The following NKAIN3 variants were observed in gnomAD, a reference collection of about 807,000 sequenced individuals.
The protein encoded by NKAIN3 is sodium/potassium-transporting ATPase subunit beta-1-interacting protein 3.
A neutral mutation model predicts 30.2 loss-of-function variants in NKAIN3; 25 were observed. That is an observed-to-expected ratio of 0.83 (90% CI 0.60 to 1.16). NKAIN3 has a LOEUF of 1.16. Among genes scored for constraint, NKAIN3 ranks in the 50% most tolerant of loss-of-function variants. The pLI, the probability that NKAIN3 is intolerant of heterozygous loss-of-function variation, is 0.00. For missense variants in NKAIN3, 225 were observed against 254.1 expected (o/e 0.89, Z 0.78); for synonymous variants, 91 against 89.6 (o/e 1.02, Z -0.09).
At chr8:62,871,325 C>T (rs1820635824) in intron 4 of NKAIN3, among the ~76,000 whole-genome samples, 1 of 151,112 alleles carries the variant, frequency 6.6e-6, no homozygotes, top group South Asian at 2.1e-4. Context: ...ATTGCTCGAA[C>T]TCAGAAGGCA....
chr8:62,473,808 C>T (rs1806430485), intron 1 of NKAIN3, among the ~76,000 whole-genome samples: 1 of 152,140 alleles, frequency 6.6e-6, no homozygotes, highest in Non-Finnish European at 1.5e-5. Context: ...TACTAATGGT[C>T]ACTCTTTCCC....
In NKAIN3 at chr8:62,701,667, C is replaced by G. The variant is rs570199256; in HGVS notation, c.274-45265C>G. Among the ~76,000 whole-genome samples the G allele has an allele frequency of 3.5e-4, 54 of 152,314 alleles. No individual in the cohort carries two copies. In the South Asian group the frequency reaches 5.8e-3, roughly 16 times the overall value. ...GATGTGACGTATACAATTACCTCAGCTATTCAAATTAGCTCTTTTCAGAAG... is the reference window on the plus strand; with the variant it reads ...GATGTGACGTATACAATTACCTCAGGTATTCAAATTAGCTCTTTTCAGAAG... On this transcript the variant is annotated intron_variant, in intron 3 of 6. Transcript: ENST00000623646.
intron 3 of NKAIN3, among the ~76,000 whole-genome samples, chr8:62,675,103 G>A (rs919032894): frequency 2.0e-5 from 3 of 152,168 alleles, no homozygotes; most frequent in Non-Finnish European, 4.4e-5. Flanking sequence ...TGGAGTTTCA[G>A]TATGACCCTC....
intron 1 of NKAIN3, among the ~76,000 whole-genome samples, chr8:62,487,011 G>C (rs1231903098): frequency 1.3e-5 from 2 of 152,158 alleles, no homozygotes; most frequent in African/African-American, 4.8e-5. Context: ...TGACAGCTTT[G>C]ACACCATTAC....
At chr8:62,288,318 T>G (rs1163805217) in intron 1 of NKAIN3, among the ~76,000 whole-genome samples, 1 of 152,194 alleles carries the variant, frequency 6.6e-6, no homozygotes, top group Non-Finnish European at 1.5e-5. Context: ...TGTATACATG[T>G]GCCATGTTGG....
chr8:62,611,353 A>G (rs1393110409), intron 3 of NKAIN3, among the ~76,000 whole-genome samples: 1 of 152,136 alleles, frequency 6.6e-6, no homozygotes, highest in Non-Finnish European at 1.5e-5. Context: ...TAAATTATTG[A>G]CTAGAGTCAC....
chr8:62,841,477 C>T (rs1236937302), intron 4 of NKAIN3, among the ~76,000 whole-genome samples: 1 of 152,054 alleles, frequency 6.6e-6, no homozygotes, highest in Admixed American at 6.6e-5. Flanking sequence ...TCCTCCCCAC[C>T]CAAGCCCCCC....
intron 1 of NKAIN3, among the ~76,000 whole-genome samples, chr8:62,344,085 A>G (rs146149199): frequency 6.1e-4 from 93 of 152,170 alleles, no homozygotes; most frequent in African/African-American, 2.0e-3. Flanking sequence ...TGAGATTCAG[A>G]AATCCCTTTG....
chr8:62,782,442 A>G (rs1446293098), intron 4 of NKAIN3, among the ~76,000 whole-genome samples: 1 of 152,086 alleles, frequency 6.6e-6, no homozygotes, highest in Non-Finnish European at 1.5e-5. Flanking sequence ...AGGAAAAGAA[A>G]TCAGTACATC....
At chr8:62,780,580 A>C (rs1226308315) in intron 4 of NKAIN3, among the ~76,000 whole-genome samples, 2 of 152,092 alleles carry the variant, frequency 1.3e-5, no homozygotes, top group Non-Finnish European at 2.9e-5. Context: ...TCAAAAAAAT[A>C]ATATACCATG....
downstream of NKAIN3, among the ~76,000 whole-genome samples, chr8:62,986,351 A>G (rs1470859648): frequency 6.6e-6 from 1 of 152,184 alleles, no homozygotes; most frequent in Non-Finnish European, 1.5e-5. Flanking sequence ...AACAGTGATA[A>G]GTGAAAATGT....
At chr8:62,852,152 G>A (rs370301668) in intron 4 of NKAIN3, among the ~76,000 whole-genome samples, 46 of 152,076 alleles carry the variant, frequency 3.0e-4, no homozygotes, top group African/African-American at 9.9e-4. Flanking sequence ...TGGTCTATTC[G>A]GAGATTCATC....
chr8:62,316,424 C>G (rs915298909), intron 1 of NKAIN3, among the ~76,000 whole-genome samples: 1 of 151,688 alleles, frequency 6.6e-6, no homozygotes, highest in African/African-American at 2.4e-5. Context: ...ATGCTATCCC[C>G]CCCCTCCTCC....
intron 5 of NKAIN3, among the ~76,000 whole-genome samples, chr8:62,918,967 T>G (rs753399907): frequency 6.6e-6 from 1 of 151,376 alleles, no homozygotes; most frequent in African/African-American, 2.4e-5. Context: ...AAACTAAAAT[T>G]TACAACCTTC....
chr8:62,762,406 A>C (rs944226614), intron 4 of NKAIN3, among the ~76,000 whole-genome samples: 2 of 152,218 alleles, frequency 1.3e-5, no homozygotes, highest in African/African-American at 2.4e-5. Context: ...TTCCAAGGGA[A>C]ACAAAAATTC....
At chr8:62,546,255 A>G (rs537927567) in intron 1 of NKAIN3, among the ~76,000 whole-genome samples, 2 of 152,328 alleles carry the variant, frequency 1.3e-5, no homozygotes, top group Admixed American at 1.3e-4. Flanking sequence ...TACACCATCC[A>G]TACTACAATC....
intron 3 of NKAIN3, among the ~76,000 whole-genome samples, chr8:62,701,825 G>C (rs1367307626): frequency 3.3e-5 from 5 of 152,132 alleles, no homozygotes; most frequent in African/African-American, 9.7e-5. Context: ...TTTGAAGCCT[G>C]TCTTGCATGG....
At chr8:62,685,862 G>T (rs1813785388) in intron 3 of NKAIN3, among the ~76,000 whole-genome samples, 1 of 152,130 alleles carries the variant, frequency 6.6e-6, no homozygotes, top group Non-Finnish European at 1.5e-5. Context: ...AGTATTTCTT[G>T]TCTATATGTC....
rs566316079 is a variant in NKAIN3 at position 62,290,965 on chromosome 8, C to T, written c.54+41838C>T. 6.4e-4 allele frequency among the ~76,000 whole-genome samples: 97 copies of T among 151,982 alleles called. 1 individual carries two copies. The highest frequency in any genetic ancestry group is 1.1e-3 in the Non-Finnish European group (76 of 67,926). On this transcript the variant is annotated intron_variant, in intron 1 of 6. Transcript: ENST00000623646. ...TTCCACTTCTTCCTGGTTTAGTCTT[C>T]GGAGGGTGTATGTGCCCAGGAATTT...
Sources: allele counts gnomAD v4.1 joint callset (sites outside exome capture counted in the v4.1 genomes callset), GRCh38; gene constraint gnomAD v4.1.1; transcripts MANE v1.5; gene names NCBI Gene and HGNC (gene_info 2026-07-23, HGNC 2026-07-21).